SUGCT: variants seen among roughly 807,000 people sequenced by gnomAD.
The protein encoded by SUGCT is succinyl-CoA:glutarate-CoA transferase.
A neutral mutation model predicts 55.0 loss-of-function variants in SUGCT; 41 were observed. That is an observed-to-expected ratio of 0.74 (90% CI 0.58 to 0.97). SUGCT has a LOEUF of 0.97. Among genes scored for constraint, SUGCT ranks in the 50% least tolerant of loss-of-function variants. The probability of loss-of-function intolerance (pLI) is 0.00; values close to 1 mark genes in which losing one functional copy is unlikely to be tolerated. For missense variants in SUGCT, 568 were observed against 547.8 expected (o/e 1.04, Z -0.37); for synonymous variants, 187 against 200.4 (o/e 0.93, Z 0.56).
intron 9 of SUGCT, among the ~76,000 whole-genome samples, chr7:40,441,819 TA>T (rs1187907066): frequency 6.6e-6 from 1 of 152,106 alleles, no homozygotes; most frequent in East Asian, 1.9e-4. Context: ...TTTAGTGATT[TA>T]AAGAGTAATT....
At chr7:40,454,635 A>G (rs1308665836) in intron 10 of SUGCT, among the ~76,000 whole-genome samples, 1 of 152,132 alleles carries the variant, frequency 6.6e-6, no homozygotes, top group African/African-American at 2.4e-5. Flanking sequence ...TGTATTATCC[A>G]TGGGGAAACA....
chr7:40,952,925 G>T, the SUGCT span, among the ~76,000 whole-genome samples: 3 of 152,116 alleles, frequency 2.0e-5, no homozygotes, highest in Middle Eastern at 3.4e-3. Context: ...CTGACAATTA[G>T]GTGTCTTGGA....
chr7:40,959,938 AC>A, the SUGCT span, among the ~76,000 whole-genome samples: 1 of 151,756 alleles, frequency 6.6e-6, no homozygotes. Context: ...GAGTTCCCTG[AC>A]CCCTTGTGCT....
At chr7:40,692,094 T>C (rs1404820369) in intron 12 of SUGCT, among the ~76,000 whole-genome samples, 1 of 152,134 alleles carries the variant, frequency 6.6e-6, no homozygotes, top group African/African-American at 2.4e-5. Context: ...TCCTAGTCAC[T>C]CGTTAATAAT....
the SUGCT span, among the ~76,000 whole-genome samples, chr7:40,978,392 A>T: frequency 6.6e-6 from 1 of 152,146 alleles, no homozygotes; most frequent in East Asian, 1.9e-4. Flanking sequence ...TGCCAATGGG[A>T]CTTTCACTGA....
chr7:40,388,203 A>G (rs1785227697), intron 9 of SUGCT: 1 of 152,190 alleles, frequency 6.6e-6, no homozygotes, highest in Admixed American at 6.6e-5. Context: ...TACACCTGGA[A>G]CATATTTCTT....
At chr7:40,414,084 A>G (rs1293229953) in intron 9 of SUGCT, among the ~76,000 whole-genome samples, 1 of 152,202 alleles carries the variant, frequency 6.6e-6, no homozygotes, top group Non-Finnish European at 1.5e-5. Context: ...TTATATGTGA[A>G]TAACATATGG....
At chr7:40,380,878 CT>C (rs1784836564) in intron 9 of SUGCT, among the ~76,000 whole-genome samples, 1 of 152,022 alleles carries the variant, frequency 6.6e-6, no homozygotes, top group Admixed American at 6.6e-5. Flanking sequence ...TGTTTACTGT[CT>C]TTTTTTGAAA....
chr7:40,298,972 G>A (rs1794352427), intron 8 of SUGCT, among the ~76,000 whole-genome samples: 1 of 152,200 alleles, frequency 6.6e-6, no homozygotes, highest in Middle Eastern at 3.4e-3. Flanking sequence ...GTATGTTACA[G>A]TCTTCTTTTG....
Position 40,711,392 on chromosome 7 carries a change from C to G in SUGCT, c.1090-38042C>G, listed in dbSNP as rs1333781466. 2.0e-5 allele frequency among the ~76,000 whole-genome samples: 3 copies of G among 152,156 alleles called. No homozygotes were observed. In the South Asian group the frequency reaches 6.2e-4, roughly 32 times the overall value. On this transcript the variant is annotated intron_variant, in intron 12 of 13. Coordinates refer to ENST00000335693, the MANE Select transcript of SUGCT (RefSeq NM_001193313.2). Reference sequence around the variant, plus strand: ...GGGCATGGTGGCGCACACCTGTAGTCCCAGCTGCTTGGGAGGCTGAAGCAG... The same window carrying G: ...GGGCATGGTGGCGCACACCTGTAGTGCCAGCTGCTTGGGAGGCTGAAGCAG...
At chr7:40,866,130 A>G in the SUGCT span, among the ~76,000 whole-genome samples, 47 of 152,304 alleles carry the variant, frequency 3.1e-4, no homozygotes, top group African/African-American at 1.1e-3. Context: ...ACTCAGCTTC[A>G]GAAGACGCAA....
At chr7:40,529,208 T>C (rs905340436) in intron 12 of SUGCT, among the ~76,000 whole-genome samples, 2 of 152,232 alleles carry the variant, frequency 1.3e-5, no homozygotes, top group African/African-American at 4.8e-5. Context: ...AAAAGTTTAA[T>C]TGATTCTTCC....
chr7:40,407,621 A>G (rs1248137551), intron 9 of SUGCT, among the ~76,000 whole-genome samples: 1 of 152,104 alleles, frequency 6.6e-6, no homozygotes, highest in Non-Finnish European at 1.5e-5. Context: ...AGCATTGACA[A>G]TAACTTTGTT....
At chr7:40,282,040 C>T (rs955492948) in intron 8 of SUGCT, among the ~76,000 whole-genome samples, 28 of 152,086 alleles carry the variant, frequency 1.8e-4, no homozygotes, top group African/African-American at 6.8e-4. Flanking sequence ...AGGCTGTTCT[C>T]GAACTCCTGA....
intron 12 of SUGCT, among the ~76,000 whole-genome samples, chr7:40,579,588 T>A (rs1337440546): frequency 6.6e-6 from 1 of 152,168 alleles, no homozygotes; most frequent in Non-Finnish European, 1.5e-5. Flanking sequence ...TGTAAACAAG[T>A]CACATCTATT....
At chr7:40,757,888 C>T (rs1314921115) in intron 13 of SUGCT, among the ~76,000 whole-genome samples, 3 of 152,076 alleles carry the variant, frequency 2.0e-5, no homozygotes, top group African/African-American at 7.2e-5. Flanking sequence ...TCACTGAGTG[C>T]ACAAAAAAGT....
At chr7:40,372,066 G>T (rs1316484310) in intron 9 of SUGCT, among the ~76,000 whole-genome samples, 1 of 151,690 alleles carries the variant, frequency 6.6e-6, no homozygotes, top group Non-Finnish European at 1.5e-5. Flanking sequence ...AGCCAGGGTT[G>T]TCTGTGTGTT....
chr7:40,691,183 C>T (rs1784682394), intron 12 of SUGCT, among the ~76,000 whole-genome samples: 1 of 152,126 alleles, frequency 6.6e-6, no homozygotes, highest in South Asian at 2.1e-4. Context: ...GTGACCTGGC[C>T]CTCTACTTGA....
chr7:40,269,398 C>T (rs547588380), intron 7 of SUGCT, among the ~76,000 whole-genome samples: 92 of 152,260 alleles, frequency 6.0e-4, no homozygotes, highest in African/African-American at 2.1e-3. Flanking sequence ...TCTCAGCTCA[C>T]TGCAACATCC....
Sources: allele counts gnomAD v4.1 joint callset (sites outside exome capture counted in the v4.1 genomes callset), GRCh38; gene constraint gnomAD v4.1.1; transcripts MANE v1.5; gene names NCBI Gene and HGNC (gene_info 2026-07-23, HGNC 2026-07-21).